Variants in ZC3H11A observed in about 807,000 individuals in gnomAD.
The protein encoded by ZC3H11A is zinc finger CCCH domain-containing protein 11A.
Under a neutral mutation model 90.8 loss-of-function variants are expected in ZC3H11A, and 22 were observed. That is an observed-to-expected ratio of 0.24 (90% CI 0.17 to 0.35). ZC3H11A has a LOEUF of 0.35. Among genes scored for constraint, ZC3H11A ranks in the 10% least tolerant of loss-of-function variants. The pLI, the probability that ZC3H11A is intolerant of heterozygous loss-of-function variation, is 1.00. For missense variants in ZC3H11A, 701 were observed against 964.9 expected (o/e 0.73, Z 3.62); for synonymous variants, 294 against 339.8 (o/e 0.87, Z 1.48).
chr1:203,849,001 C>A (rs1427733062), intron 14 of ZC3H11A, among the ~76,000 whole-genome samples: 1 of 152,214 alleles, frequency 6.6e-6, no homozygotes, highest in African/African-American at 2.4e-5. Context: ...TCTTGTGCCT[C>A]AGCCTCCCAT....
At chr1:203,798,180 A>T (rs1161047930) in intron 1 of ZC3H11A, 1 of 1,536,138 alleles carries the variant, frequency 6.5e-7, no homozygotes, top group East Asian at 2.4e-5. Flanking sequence ...ATATATTCCT[A>T]CTGATCCATT....
chr1:203,840,654 A>C (rs917451376), intron 12 of ZC3H11A, among the ~76,000 whole-genome samples: 1 of 149,998 alleles, frequency 6.7e-6, no homozygotes, highest in African/African-American at 2.5e-5. Context: ...TATTTTTGAG[A>C]CAGAGTTTTG....
At chr1:203,797,140 T>C (rs528968905) in intron 1 of ZC3H11A, 34 of 159,460 alleles carry the variant, frequency 2.1e-4, no homozygotes, top group East Asian at 9.2e-4. Flanking sequence ...CAAGTAGATA[T>C]AGTTCTTGAT....
At position 203,851,122 on chromosome 1, in the gene ZC3H11A, C is replaced by G. The variant is rs764985665; in HGVS notation, c.2172C>G (p.Asp724Glu). 10 of 1,613,982 alleles carry G rather than the reference C, an allele frequency of 6.2e-6. No homozygotes were observed. Among genetic ancestry groups the G allele is most frequent in the Non-Finnish European group, 8.5e-6 (10 of 1,179,986 alleles). ...TGCCTGAAGCAGAAAATCCTAGAGA[C>G]AGGTAATACTTTGTAATTCTTTCTA... is the stretch of plus-strand genomic sequence containing the variant. ...VTVPEAENPRDSLVLPPTQSS... is the reference protein window; with the variant it reads ...VTVPEAENPRESLVLPPTQSS... Residue 724 changes from aspartate to glutamate, a missense_variant and splice_region_variant, in exon 17 of 18, where the codon GAC becomes GAG. By Grantham distance (45) the Asp-to-Glu change is conservative (BLOSUM62 2). This residue lies in a region of ZC3H11A where 91 missense variants were observed against 86.8 expected (regional missense o/e 1.05). Coordinates refer to ENST00000367210, the MANE Select transcript of ZC3H11A (RefSeq NM_001376342.1).
At chr1:203,816,580 G>A (rs1676448341) in intron 2 of ZC3H11A, among the ~76,000 whole-genome samples, 1 of 152,150 alleles carries the variant, frequency 6.6e-6, no homozygotes, top group Non-Finnish European at 1.5e-5. Flanking sequence ...GCTGTGAGCT[G>A]TGATCACATC....
At chr1:203,844,800 T>C (rs765253971) in intron 12 of ZC3H11A, among the ~76,000 whole-genome samples, 35 of 152,088 alleles carry the variant, frequency 2.3e-4, no homozygotes, top group Non-Finnish European at 4.9e-4. Flanking sequence ...ACTTCTTTCC[T>C]TTTTCAGATT....
At chr1:203,835,686 T>C in intron 10 of ZC3H11A, 1 of 248,260 alleles carries the variant, frequency 4.0e-6, no homozygotes, top group Non-Finnish European at 8.7e-6. Flanking sequence ...TCCATGGGCT[T>C]GAGTTACCTT....
chr1:203,851,257 A>G, intron 17 of ZC3H11A, 133 bp downstream of exon 17: 1 of 808,650 alleles, frequency 1.2e-6, no homozygotes, highest in Non-Finnish European at 1.9e-6. Context: ...ATTGCAAGAA[A>G]GTATGAAAAT....
At position 203,831,737 on chromosome 1, in the gene ZC3H11A, T is replaced by A. The variant is rs757104376; in HGVS notation, c.777T>A (p.Thr259=). The A allele has an allele frequency of 2.5e-6, 4 of 1,612,756 alleles. No individual in the cohort carries two copies. The African/African-American group carries it at 5.3e-5, about 22-fold the overall frequency. The change falls in exon 9 of 18, where the codon ACT becomes ACA. Residue 259 remains threonine, a synonymous_variant. Transcript: ENST00000367210. ...VPGPEKENVR[T]VVRTVTLSTK... ...GTCCTGAAAAAGAAAATGTCAGGAC[T>A]GTGGTGAGGACAGTAACTCTCTCCA... is the stretch of plus-strand genomic sequence containing the variant.
chr1:203,800,141 G>C, intron 1 of ZC3H11A: 1 of 1,535,964 alleles, frequency 6.5e-7, no homozygotes, highest in Non-Finnish European at 8.7e-7. Context: ...ACTTCAAAGA[G>C]AAGTATTCAG....
chr1:203,843,029 A>G (rs1406694094), intron 12 of ZC3H11A, among the ~76,000 whole-genome samples: 1 of 151,406 alleles, frequency 6.6e-6, no homozygotes, highest in African/African-American at 2.4e-5. Flanking sequence ...GTTACTTTTT[A>G]TCCCCCATCC....
chr1:203,798,875 C>G, intron 1 of ZC3H11A: 1 of 1,536,068 alleles, frequency 6.5e-7, no homozygotes, highest in East Asian at 2.4e-5. Flanking sequence ...CAGAGACTTA[C>G]TTTTTCACTA....
intron 12 of ZC3H11A, among the ~76,000 whole-genome samples, chr1:203,844,513 GT>G (rs1448751632): frequency 6.6e-6 from 1 of 152,176 alleles, no homozygotes; most frequent in African/African-American, 2.4e-5. Context: ...ATTTTTAAAA[GT>G]TTGTGTATTA....
intron 1 of ZC3H11A, chr1:203,798,057 A>T: frequency 6.5e-7 from 1 of 1,535,768 alleles, no homozygotes; most frequent in Non-Finnish European, 8.7e-7. Flanking sequence ...TCTGCAAGCA[A>T]GGCATTCACC....
chr1:203,834,269 CTTATTTAT>C (rs1252542661), intron 10 of ZC3H11A, among the ~76,000 whole-genome samples: 1 of 151,918 alleles, frequency 6.6e-6, no homozygotes, highest in Admixed American at 6.6e-5. Flanking sequence ...TTGGTGCTTG[CTTATTTAT>C]TTATTTATTT....
intron 10 of ZC3H11A, 118 bp downstream of exon 10, chr1:203,833,971 G>A: frequency 7.2e-7 from 1 of 1,397,806 alleles, no homozygotes. Context: ...TTGGCTGAAA[G>A]CACTTATAAA....
chr1:203,810,564 C>T (rs779583915), intron 2 of ZC3H11A, among the ~76,000 whole-genome samples: 1 of 151,590 alleles, frequency 6.6e-6, no homozygotes, highest in Non-Finnish European at 1.5e-5. Flanking sequence ...GGACCACAGG[C>T]GCCCACCACC....
At chr1:203,826,532 T>A (rs1680589357) in intron 4 of ZC3H11A, among the ~76,000 whole-genome samples, 1 of 152,208 alleles carries the variant, frequency 6.6e-6, no homozygotes, top group South Asian at 2.1e-4. Flanking sequence ...TGTTTGAGAC[T>A]GCCTGATTCT....
chr1:203,825,964 T>C (rs1680387068), intron 4 of ZC3H11A, among the ~76,000 whole-genome samples: 1 of 152,184 alleles, frequency 6.6e-6, no homozygotes, highest in Non-Finnish European at 1.5e-5. Flanking sequence ...ATCAAATAAA[T>C]GTCATGTGAC....
Sources: gnomAD v4.1 joint callset for allele counts (sites outside exome capture counted in the v4.1 genomes callset) on GRCh38, gnomAD v4.1.1 for gene constraint, gnomAD v4.1.1 regional missense constraint, MANE v1.5 for transcripts, NCBI Gene and HGNC (gene_info 2026-07-23, HGNC 2026-07-21) for gene names.